TMEM248: variants seen among roughly 807,000 people sequenced by gnomAD.
The protein encoded by TMEM248 is UPF0458 protein C7orf42.
A neutral mutation model predicts 30.3 loss-of-function variants in TMEM248; 9 were observed. That is an observed-to-expected ratio of 0.30 (90% CI 0.18 to 0.52). The LOEUF (loss-of-function observed/expected upper bound fraction) is 0.52. TMEM248 is among the 20% of genes least tolerant of loss of function. TMEM248 has a pLI of 0.97. For missense variants in TMEM248, 338 were observed against 403.3 expected (o/e 0.84, Z 1.39); for synonymous variants, 184 against 154.4 (o/e 1.19, Z -1.42).
chr7:66,941,373 C>T (rs188253264), intron 1 of TMEM248, among the ~76,000 whole-genome samples: 10 of 135,932 alleles, frequency 7.4e-5, no homozygotes, highest in African/African-American at 2.5e-4. Flanking sequence ...AGTGAGACTC[C>T]GTCTCAAAAA....
At chr7:66,946,248 C>T (rs1328158612) in intron 3 of TMEM248, among the ~76,000 whole-genome samples, 2 of 150,900 alleles carry the variant, frequency 1.3e-5, no homozygotes, top group East Asian at 2.0e-4. Context: ...GGCGACAGAG[C>T]GAGACTCCAT....
chr7:66,933,453 T>C (rs779599490), intron 1 of TMEM248, among the ~76,000 whole-genome samples: 1 of 151,118 alleles, frequency 6.6e-6, no homozygotes, highest in Non-Finnish European at 1.5e-5. Context: ...CAAAAATAAC[T>C]CTGAGTAGTT....
At chr7:66,932,243 T>C (rs1449698425) in intron 1 of TMEM248, among the ~76,000 whole-genome samples, 3 of 152,206 alleles carry the variant, frequency 2.0e-5, no homozygotes, top group African/African-American at 7.2e-5. Context: ...TGTTAACTCA[T>C]GTAATAAAAA....
intron 1 of TMEM248, among the ~76,000 whole-genome samples, chr7:66,937,732 C>T (rs867512690): frequency 4.6e-5 from 7 of 151,812 alleles, no homozygotes; most frequent in Non-Finnish European, 7.4e-5. Context: ...TTTTTTGAGA[C>T]GGAGTTTTGC....
chr7:66,924,918 T>G (rs944024282), intron 1 of TMEM248, among the ~76,000 whole-genome samples: 1 of 149,672 alleles, frequency 6.7e-6, no homozygotes, highest in Non-Finnish European at 1.5e-5. Context: ...GCCATGTTGG[T>G]CAGGCTGGTT....
At chr7:66,951,271 G>A (rs1050609190) in intron 5 of TMEM248, 136 bp downstream of exon 5, 20 of 771,052 alleles carry the variant, frequency 2.6e-5, no homozygotes, top group Middle Eastern at 2.5e-4. Flanking sequence ...ATTTCCAGGT[G>A]AGTTAGGACA....
At chr7:66,923,292 C>T (rs1193859318) in intron 1 of TMEM248, among the ~76,000 whole-genome samples, 2 of 152,034 alleles carry the variant, frequency 1.3e-5, no homozygotes, top group African/African-American at 2.4e-5. Flanking sequence ...ATTACAGTTG[C>T]CTGCCACCAC....
intron 1 of TMEM248, among the ~76,000 whole-genome samples, chr7:66,936,564 C>T (rs73145924): frequency 0.096 from 14,579 of 151,966 alleles, 798 homozygotes; most frequent in Non-Finnish European, 0.11. Flanking sequence ...TGATACTGGA[C>T]TCCTAGCATG....
At chr7:66,934,909 G>A (rs113659276) in intron 1 of TMEM248, among the ~76,000 whole-genome samples, 5,498 of 151,936 alleles carry the variant, frequency 0.036, 139 homozygotes, top group Non-Finnish European at 0.055. Context: ...ACAAAAATTA[G>A]CCAGGCATGT....
chr7:66,956,479 CTTCT>C lies in TMEM248; in HGVS notation c.*964_*967del, dbSNP rs1792406436. 6.6e-6 allele frequency: 1 copy of C among 152,140 alleles called. No individual in the cohort carries two copies. Among genetic ancestry groups the C allele is most frequent in the African/African-American group, 2.4e-5 (1 of 41,444 alleles). 9.4% of individuals were successfully genotyped at this position (152,140 alleles called of 1,614,324 possible). A position where few individuals can be genotyped will look rare whatever the true frequency, so the allele number is the denominator to read the frequency against. On this transcript the variant is annotated 3_prime_UTR_variant, in exon 7 of 7. Transcript: ENST00000341567. ...GATTCTATCTAATAGGAAAGGATTT[CTTCT>C]TTCTTTTTTAAAGAGTGGGTGGATT...
chr7:66,934,156 C>T (rs1791741146), intron 1 of TMEM248, among the ~76,000 whole-genome samples: 1 of 151,270 alleles, frequency 6.6e-6, no homozygotes, highest in African/African-American at 2.4e-5. Flanking sequence ...TGTTTGGAAT[C>T]TTAATAGTTT....
chr7:66,940,448 T>A (rs769456011), intron 1 of TMEM248, among the ~76,000 whole-genome samples: 2 of 152,196 alleles, frequency 1.3e-5, no homozygotes, highest in Non-Finnish European at 2.9e-5. Context: ...GCTAAATAGA[T>A]GGAAAGGTCT....
At chr7:66,948,204 C>T (rs1426916200) in intron 3 of TMEM248, among the ~76,000 whole-genome samples, 1 of 152,140 alleles carries the variant, frequency 6.6e-6, no homozygotes, top group East Asian at 1.9e-4. Flanking sequence ...TGAAATAATA[C>T]ATATAAAAGA....
chr7:66,928,578 G>C (rs1391378596), intron 1 of TMEM248, among the ~76,000 whole-genome samples: 1 of 152,152 alleles, frequency 6.6e-6, no homozygotes, highest in East Asian at 1.9e-4. Context: ...GCTTGGCACG[G>C]TGCCTGGGAA....
At chr7:66,947,399 C>T (rs1316081630) in intron 3 of TMEM248, among the ~76,000 whole-genome samples, 1 of 151,912 alleles carries the variant, frequency 6.6e-6, no homozygotes, top group African/African-American at 2.4e-5. Context: ...AGGACACCTT[C>T]GGGATTTTTT....
At chr7:66,954,678 G>A (rs1304727653) in intron 6 of TMEM248, among the ~76,000 whole-genome samples, 1 of 152,086 alleles carries the variant, frequency 6.6e-6, no homozygotes, top group Non-Finnish European at 1.5e-5. Context: ...GTGATTACAG[G>A]TGTGAGCTAC....
Position 66,953,127 on chromosome 7 carries a change from A to G in TMEM248, c.781-99A>G, listed in dbSNP as rs570267504. The G allele has an allele frequency of 7.1e-5, 97 of 1,357,908 alleles. 2 individuals carry two copies. In the Middle Eastern group the frequency reaches 1.3e-3, roughly 18 times the overall value. The allele number at this position is 1,357,908 out of a possible 1,614,324, so 84.1% of individuals were successfully genotyped here. ...CAGCTTAAGAAGAAAAGTTGTGGCA[A>G]GTCTGGAGGCTGTCAATCCTGTCTC... is the stretch of plus-strand genomic sequence containing the variant. On this transcript the variant is annotated intron_variant, in intron 5 of 6. Coordinates refer to ENST00000341567, the MANE Select transcript of TMEM248 (RefSeq NM_017994.5).
chr7:66,941,940 C>G lies in TMEM248; in HGVS notation c.75C>G (p.Ile25Met). Residue 25 changes from isoleucine to methionine, a missense_variant, in exon 2 of 7, where the codon ATC (isoleucine) becomes ATG (methionine). Coordinates refer to ENST00000341567, the MANE Select transcript of TMEM248 (RefSeq NM_017994.5). Reference sequence around the variant, plus strand: ...GGCCTCCCCTGGTGGTCTTCATGATCAGCGTAAGCGCCATGGCCATAGCTT... The same window carrying G: ...GGCCTCCCCTGGTGGTCTTCATGATGAGCGTAAGCGCCATGGCCATAGCTT... Reference protein sequence around the residue: ...SSRPPLVVFMISVSAMAIAFL... With the variant: ...SSRPPLVVFMMSVSAMAIAFL... 6.2e-7 allele frequency: 1 copy of G among 1,614,142 alleles called. No homozygotes were observed. The highest frequency in any genetic ancestry group is 8.5e-7 in the Non-Finnish European group (1 of 1,180,028).
chr7:66,936,571 C>T (rs1791809069), intron 1 of TMEM248, among the ~76,000 whole-genome samples: 1 of 152,006 alleles, frequency 6.6e-6, no homozygotes, highest in Non-Finnish European at 1.5e-5. Context: ...GGACTCCTAG[C>T]ATGAGTTTGG....
Sources: allele counts gnomAD v4.1 joint callset (sites outside exome capture counted in the v4.1 genomes callset), GRCh38; gene constraint gnomAD v4.1.1; transcripts MANE v1.5; gene names NCBI Gene and HGNC (gene_info 2026-07-23, HGNC 2026-07-21).